The following DCAKD variants were observed in gnomAD, a reference collection of about 807,000 sequenced individuals.
DCAKD encodes dephospho-CoA kinase domain containing.
DCAKD carries 15 observed loss-of-function variants against 18.7 expected under a neutral mutation model. That is an observed-to-expected ratio of 0.80 (90% CI 0.54 to 1.24). The LOEUF (loss-of-function observed/expected upper bound fraction) is 1.24, where lower values mean the gene tolerates loss of function less well. Ranked by LOEUF, DCAKD falls within the 50% of genes most tolerant of loss-of-function variation. DCAKD has a pLI of 0.00. For missense variants in DCAKD, 301 were observed against 322.0 expected (o/e 0.93, Z 0.50); for synonymous variants, 130 against 133.0 (o/e 0.98, Z 0.16).
At chr17:45,031,987 T>C in intron 3 of DCAKD, 8 of 985,242 alleles carry the variant, frequency 8.1e-6, no homozygotes, top group Non-Finnish European at 9.6e-6. Context: ...TTTATTTAAG[T>C]GGTGGTGGTT....
At chr17:45,056,838 G>A (rs749740868) in intron 1 of DCAKD, among the ~76,000 whole-genome samples, 1 of 151,350 alleles carries the variant, frequency 6.6e-6, no homozygotes, top group East Asian at 2.0e-4. Context: ...CGTGATCTCC[G>A]CTCACTGCAA....
chr17:45,028,594 G>C (rs1332599337), intron 4 of DCAKD, among the ~76,000 whole-genome samples: 1 of 151,344 alleles, frequency 6.6e-6, no homozygotes, highest in Non-Finnish European at 1.5e-5. Flanking sequence ...ATTTTTAGTA[G>C]AGATGGGGTT....
chr17:45,034,472 T>C, intron 2 of DCAKD, 82 bp from the exon 3 acceptor site: 1 of 1,498,652 alleles, frequency 6.7e-7, no homozygotes, highest in Non-Finnish European at 9.1e-7. Context: ...GGCAAAATGA[T>C]GGGGGAACTC....
Position 45,024,712 on chromosome 17 carries a change from T to C in DCAKD, c.417A>G (p.Thr139=). The C allele has an allele frequency of 6.3e-7, 1 of 1,580,594 alleles. No individual in the cohort carries two copies. The highest frequency in any genetic ancestry group is 8.6e-7 in the Non-Finnish European group (1 of 1,158,256). The change falls in exon 5 of 5, where the codon ACA becomes ACG. Residue 139 remains threonine (T), a synonymous_variant. Coordinates refer to ENST00000651974, the MANE Select transcript of DCAKD (RefSeq NM_001288655.2). ...TCCGCCGCATCAGCCGTGCCAGCTG[T>C]GTGTCCCGGTCGCTAAGGATAGGGC... is the stretch of plus-strand genomic sequence containing the variant. ...HTVVVYCDRD[T]QLARLMRRNS...
intron 4 of DCAKD, among the ~76,000 whole-genome samples, chr17:45,025,394 C>G (rs1374477505): frequency 6.6e-6 from 1 of 152,118 alleles, no homozygotes; most frequent in Non-Finnish European, 1.5e-5. Context: ...AATTGGTCCC[C>G]CTTAGTTGTG....
chr17:45,046,689 A>G (rs2143347956), intron 1 of DCAKD, among the ~76,000 whole-genome samples: 1 of 151,964 alleles, frequency 6.6e-6, no homozygotes. Flanking sequence ...ACACAGGAGA[A>G]TGAGAACACT....
At position 45,034,823 on chromosome 17, in the gene DCAKD, G is replaced by A. The variant is rs1156592663; in HGVS notation, c.63C>T (p.Phe21=). Residue 21 remains phenylalanine (F), a synonymous_variant, in exon 2 of 5, where the codon TTC becomes TTT. Transcript: ENST00000651974. ...CAATCACCGCACAGCCCAGCTGCTG[G>A]AACACCTGGATCACTGAGCTCTTGC... ...ASGKSSVIQV[F]QQLGCAVIDV... The A allele has an allele frequency of 1.2e-6, 2 of 1,614,224 alleles. No individual in the cohort carries two copies. Among genetic ancestry groups the A allele is most frequent in the East Asian group, 2.2e-5 (1 of 44,878 alleles).
At chr17:45,042,272 C>T (rs1405228804) in intron 1 of DCAKD, among the ~76,000 whole-genome samples, 1 of 152,198 alleles carries the variant, frequency 6.6e-6, no homozygotes, top group Non-Finnish European at 1.5e-5. Flanking sequence ...CCTTTGGACT[C>T]GTCATGCTTT....
intron 1 of DCAKD, among the ~76,000 whole-genome samples, chr17:45,045,799 T>C (rs1474433093): frequency 1.3e-5 from 2 of 151,984 alleles, no homozygotes; most frequent in Non-Finnish European, 2.9e-5. Context: ...ATTTAGCTCA[T>C]GGGCAAGCTG....
At chr17:45,025,066 A>G (rs534494971) in intron 4 of DCAKD, among the ~76,000 whole-genome samples, 6 of 140,262 alleles carry the variant, frequency 4.3e-5, no homozygotes, top group South Asian at 2.2e-4. Flanking sequence ...ACTAGACCTG[A>G]CATTCCCCAG....
At chr17:45,045,533 A>G (rs1002277242) in intron 1 of DCAKD, among the ~76,000 whole-genome samples, 1 of 152,038 alleles carries the variant, frequency 6.6e-6, no homozygotes, top group Non-Finnish European at 1.5e-5. Context: ...GGAGTTCAAG[A>G]CCATCCTGGC....
In DCAKD at chr17:45,024,126, A is replaced by G. The variant is rs952394414; in HGVS notation, c.*307T>C. ...ACCCCCACCCACAGAAATGTATAGC[A>G]GTCTCTGACTGTTGCTTTCACACAC... On this transcript the variant is annotated 3_prime_UTR_variant, in exon 5 of 5. Transcript: ENST00000651974. 14 of 339,784 alleles carry G rather than the reference A, an allele frequency of 4.1e-5. No homozygotes were observed. The highest frequency in any genetic ancestry group is 7.2e-5 in the Non-Finnish European group (13 of 180,870). 21.0% of individuals were successfully genotyped at this position (339,784 alleles called of 1,614,324 possible).
intron 3 of DCAKD, 192 bp downstream of exon 3, chr17:45,033,992 CCTT>C: frequency 6.3e-7 from 1 of 1,592,336 alleles, no homozygotes; most frequent in Non-Finnish European, 8.5e-7. Flanking sequence ...CTGTCAGCCT[CCTT>C]AAGAGCTGAG....
At chr17:45,026,469 G>C (rs2143167172) in intron 4 of DCAKD, 1 of 262,350 alleles carries the variant, frequency 3.8e-6, no homozygotes, top group African/African-American at 2.4e-5. Flanking sequence ...CTTGTGATCT[G>C]CCTGCCTCGG....
chr17:45,047,504 C>CT (rs916286343), intron 1 of DCAKD, among the ~76,000 whole-genome samples: 27,267 of 124,490 alleles, frequency 0.22, 3,712 homozygotes, highest in Middle Eastern at 0.3. Context: ...TGGCTAGTCT[C>CT]TTTTTTTTTT....
At chr17:45,033,534 G>A (rs559078921) in intron 3 of DCAKD, among the ~76,000 whole-genome samples, 2 of 152,070 alleles carry the variant, frequency 1.3e-5, no homozygotes, top group East Asian at 1.9e-4. Context: ...GTGCAATCTC[G>A]GTTCACTGCA....
chr17:45,059,195 G>A (rs529406266), intron 1 of DCAKD, among the ~76,000 whole-genome samples: 7 of 152,132 alleles, frequency 4.6e-5, no homozygotes, highest in African/African-American at 9.6e-5. Flanking sequence ...AGCCAAAATC[G>A]CGCCACTGCA....
chr17:45,032,006 G>A (rs879498894), intron 3 of DCAKD: 68 of 985,402 alleles, frequency 6.9e-5, no homozygotes, highest in East Asian at 4.5e-4. Flanking sequence ...TTGGGGAGGC[G>A]GGAGGCTGGG....
intron 1 of DCAKD, among the ~76,000 whole-genome samples, chr17:45,043,007 A>G (rs1048962377): frequency 6.6e-6 from 1 of 152,178 alleles, no homozygotes; most frequent in Non-Finnish European, 1.5e-5. Context: ...CTTTGTTGCC[A>G]TTTATGCAAA....
Sources: allele counts gnomAD v4.1 joint callset (sites outside exome capture counted in the v4.1 genomes callset), GRCh38; gene constraint gnomAD v4.1.1; transcripts MANE v1.5; gene names NCBI Gene and HGNC (gene_info 2026-07-23, HGNC 2026-07-21).